Variants in ANXA4 observed in about 807,000 individuals in gnomAD.
ANXA4 encodes the protein annexin A4.
In ANXA4, 39 loss-of-function variants were observed where a neutral mutation model predicts 49.8. The observed-to-expected ratio is 0.78, with a 90% CI of 0.61 to 1.02. ANXA4 has a LOEUF of 1.02. ANXA4 is among the 50% of genes least tolerant of loss of function. The pLI, the probability that ANXA4 is intolerant of heterozygous loss-of-function variation, is 0.00. For synonymous variants in ANXA4, 134 were observed against 152.5 expected (o/e 0.88, Z 0.89); for missense variants, 360 against 410.1 (o/e 0.88, Z 1.05).
intron 3 of ANXA4, among the ~76,000 whole-genome samples, chr2:69,794,409 C>CCTTA (rs1191759436): frequency 1.3e-5 from 2 of 152,168 alleles, no homozygotes; most frequent in African/African-American, 2.4e-5. Flanking sequence ...GGACCTCAAG[C>CCTTA]CTTAGTTAAA....
intron 2 of ANXA4, among the ~76,000 whole-genome samples, chr2:69,680,535 C>G (rs1258127479): frequency 6.6e-6 from 1 of 152,068 alleles, no homozygotes; most frequent in Non-Finnish European, 1.5e-5. Context: ...ACTTTCAATC[C>G]TGTGTTGAAT....
intron 2 of ANXA4, among the ~76,000 whole-genome samples, chr2:69,701,325 T>C (rs118050824): frequency 0.016 from 2,461 of 152,242 alleles, 54 homozygotes; most frequent in East Asian, 0.076. Context: ...CATCTCGGAC[T>C]GAAACTCTAT....
chr2:69,654,399 C>T (rs1410129746), intron 2 of ANXA4, among the ~76,000 whole-genome samples: 1 of 152,154 alleles, frequency 6.6e-6, no homozygotes, highest in Non-Finnish European at 1.5e-5. Context: ...TTTGCCCATT[C>T]AATATGATAT....
At chr2:69,812,362 G>A (rs1431616276) in intron 7 of ANXA4, among the ~76,000 whole-genome samples, 1 of 152,132 alleles carries the variant, frequency 6.6e-6, no homozygotes, top group East Asian at 1.9e-4. Context: ...GGGGTGGTGG[G>A]GGAGGCCAGG....
chr2:69,650,698 C>T (rs1676201496), intron 1 of ANXA4, among the ~76,000 whole-genome samples: 1 of 152,206 alleles, frequency 6.6e-6, no homozygotes, highest in African/African-American at 2.4e-5. Flanking sequence ...AAGCAATCCT[C>T]CTCCCTCGGC....
chr2:69,826,398 GCCTTT>G lies in ANXA4; in HGVS notation c.*885_*889del, dbSNP rs772660577. On this transcript the variant is annotated 3_prime_UTR_variant, in exon 13 of 13. Transcript: ENST00000394295. ...TTGTAGTAATTTCTATTTGCACTGTGCCTTTCAACTCCAGAAACATTCTGAAGATG... is the reference window on the plus strand; with the variant it reads ...TTGTAGTAATTTCTATTTGCACTGTGCAACTCCAGAAACATTCTGAAGATG... The G allele has an allele frequency of 6.5e-6, 1 of 152,698 alleles. No individual in the cohort carries two copies. Among genetic ancestry groups the G allele is most frequent in the Non-Finnish European group, 1.5e-5 (1 of 68,020 alleles). The allele number at this position is 152,698 out of a possible 1,614,324, so 9.5% of individuals were successfully genotyped here.
At chr2:69,783,315 A>C (rs567482443) in intron 2 of ANXA4, among the ~76,000 whole-genome samples, 8 of 152,240 alleles carry the variant, frequency 5.3e-5, no homozygotes, top group Non-Finnish European at 1.2e-4. Flanking sequence ...TCGTAGGTTT[A>C]AGCGGTTCCC....
intron 2 of ANXA4, among the ~76,000 whole-genome samples, chr2:69,704,200 C>T (rs1250069077): frequency 6.6e-6 from 1 of 152,010 alleles, no homozygotes; most frequent in East Asian, 1.9e-4. Context: ...TTTATATGGT[C>T]CTGCCTATTT....
chr2:69,717,691 G>T (rs1018765039), intron 2 of ANXA4, among the ~76,000 whole-genome samples: 1 of 152,116 alleles, frequency 6.6e-6, no homozygotes, highest in African/African-American at 2.4e-5. Context: ...GGAATATGTT[G>T]TTCCCTGTGA....
intron 1 of ANXA4, among the ~76,000 whole-genome samples, chr2:69,772,166 C>T (rs184241690): frequency 2.6e-5 from 4 of 152,302 alleles, no homozygotes; most frequent in Admixed American, 1.3e-4. Flanking sequence ...AAAATGGGAG[C>T]GTGTTTGCAT....
At chr2:69,811,858 A>T (rs989420946) in intron 7 of ANXA4, among the ~76,000 whole-genome samples, 4 of 151,800 alleles carry the variant, frequency 2.6e-5, no homozygotes, top group African/African-American at 9.7e-5. Context: ...TTTCTTTCCC[A>T]CTTTCTCTTT....
chr2:69,781,209 C>G (rs867784925), intron 1 of ANXA4: 3 of 354,082 alleles, frequency 8.5e-6, no homozygotes, highest in African/African-American at 4.3e-5. Flanking sequence ...AGTTCAGAAT[C>G]TGTGTCCAGC....
intron 3 of ANXA4, among the ~76,000 whole-genome samples, chr2:69,732,207 G>A (rs1321868900): frequency 6.6e-6 from 1 of 151,408 alleles, no homozygotes; most frequent in Non-Finnish European, 1.5e-5. Flanking sequence ...TCAATCTCCT[G>A]ACCTCGTGAT....
chr2:69,712,641 C>T (rs73935633), intron 2 of ANXA4, among the ~76,000 whole-genome samples: 2,332 of 152,200 alleles, frequency 0.015, 45 homozygotes, highest in East Asian at 0.079. Context: ...TGAGGTTATC[C>T]TGTCATTTCT....
At chr2:69,646,235 G>T (rs1676005788) in intron 1 of ANXA4, among the ~76,000 whole-genome samples, 1 of 152,160 alleles carries the variant, frequency 6.6e-6, no homozygotes, top group Non-Finnish European at 1.5e-5. Context: ...ATAATGAACA[G>T]ATCAGCCACT....
chr2:69,763,965 T>A (rs1240733144), intron 1 of ANXA4, among the ~76,000 whole-genome samples: 1 of 152,274 alleles, frequency 6.6e-6, no homozygotes, highest in Admixed American at 6.5e-5. Context: ...CTGACCTTAG[T>A]TTTTTTCTGA....
intron 12 of ANXA4, among the ~76,000 whole-genome samples, chr2:69,823,761 T>C (rs532970690): frequency 2.0e-5 from 3 of 152,356 alleles, no homozygotes; most frequent in African/African-American, 4.8e-5. Context: ...ATGGAATTAG[T>C]ATGCTAGCGA....
chr2:69,685,438 T>TA (rs781356773), intron 2 of ANXA4, among the ~76,000 whole-genome samples: 1 of 152,218 alleles, frequency 6.6e-6, no homozygotes, highest in Non-Finnish European at 1.5e-5. Context: ...ACCAGTCAAT[T>TA]GTACGCACAG....
intron 1 of ANXA4, among the ~76,000 whole-genome samples, chr2:69,748,706 ACTT>A (rs1390259128): frequency 7.1e-6 from 1 of 141,078 alleles, no homozygotes; most frequent in Non-Finnish European, 1.5e-5. Flanking sequence ...TGTATACCCT[ACTT>A]CTTTTTTTTT....
Sources: allele counts gnomAD v4.1 joint callset (sites outside exome capture counted in the v4.1 genomes callset), GRCh38; gene constraint gnomAD v4.1.1; transcripts MANE v1.5; gene names NCBI Gene and HGNC (gene_info 2026-07-23, HGNC 2026-07-21).